Variants in TAF4B observed in about 807,000 individuals in gnomAD.
TAF4B encodes TATA-box binding protein associated factor 4b.
Under a neutral mutation model 86.4 loss-of-function variants are expected in TAF4B, and 38 were observed. The ratio of observed to expected loss-of-function variants is 0.44; its 90% CI spans 0.34 to 0.58. TAF4B has a LOEUF of 0.58. Among genes scored for constraint, TAF4B ranks in the 20% least tolerant of loss-of-function variants. TAF4B has a pLI of 0.02. For synonymous variants in TAF4B, 388 were observed against 391.2 expected, an observed-to-expected ratio of 0.99 and a Z score of 0.10; for missense variants, 988 against 1,027.6, an observed-to-expected ratio of 0.96 and a Z score of 0.53.
chr18:26,265,379 T>TACACAAC, intron 2 of TAF4B, 64 bp downstream of exon 2: 1 of 1,479,802 alleles, frequency 6.8e-7, no homozygotes, highest in African/African-American at 1.4e-5. Context: ...ATATAAATGT[T>TACACAAC]GTGTATATGT....
At chr18:26,239,084 T>G (rs1324230983) in intron 1 of TAF4B, among the ~76,000 whole-genome samples, 1 of 152,256 alleles carries the variant, frequency 6.6e-6, no homozygotes, top group Non-Finnish European at 1.5e-5. Context: ...GCATGATTTA[T>G]AGTCCTTTGG....
At chr18:26,363,370 C>CAA (rs58802058) in intron 14 of TAF4B, among the ~76,000 whole-genome samples, 5 of 35,072 alleles carry the variant, frequency 1.4e-4, no homozygotes, top group Non-Finnish European at 2.3e-4. Flanking sequence ...CTGTCTCTAC[C>CAA]AAAAAAAAAA....
intron 13 of TAF4B, among the ~76,000 whole-genome samples, chr18:26,339,480 CA>C (rs1209096518): frequency 6.6e-6 from 1 of 152,102 alleles, no homozygotes; most frequent in Non-Finnish European, 1.5e-5. Context: ...CACATGCCAC[CA>C]TACCTGGCTA....
chr18:26,338,842 C>T (rs1249410267), intron 13 of TAF4B, among the ~76,000 whole-genome samples: 1 of 152,148 alleles, frequency 6.6e-6, no homozygotes. Context: ...TTGCATTCCA[C>T]ATGTAAGGAC....
intron 13 of TAF4B, chr18:26,349,068 C>G (rs1392691383): frequency 3.9e-5 from 6 of 151,980 alleles, no homozygotes; most frequent in South Asian, 2.1e-4. Flanking sequence ...ACCCAAGGAT[C>G]AAAACTGTTT....
rs1459980654 is a variant in TAF4B, at chr18:26,251,486, G to A, written c.344-13684G>A. On this transcript the variant is annotated intron_variant, in intron 1 of 14. Transcript: ENST00000269142. Reference sequence around the variant, plus strand: ...TGGCATTTTTGGATGTTGGGATGTAGCAGTTCACTGGGCTGAAGGGTAGAA... The same window carrying A: ...TGGCATTTTTGGATGTTGGGATGTAACAGTTCACTGGGCTGAAGGGTAGAA... Among the ~76,000 whole-genome samples, 9 of 152,142 alleles carry A rather than the reference G, an allele frequency of 5.9e-5. No homozygotes were observed. The East Asian group carries it at 1.7e-3, about 29-fold the overall frequency.
chr18:26,277,493 G>C (rs2056397609), intron 5 of TAF4B, among the ~76,000 whole-genome samples: 1 of 152,214 alleles, frequency 6.6e-6, no homozygotes, highest in African/African-American at 2.4e-5. Flanking sequence ...GAGTGGCATT[G>C]CTGTACCAAT....
intron 1 of TAF4B, among the ~76,000 whole-genome samples, chr18:26,252,363 C>G (rs2056019002): frequency 6.6e-6 from 1 of 151,834 alleles, no homozygotes; most frequent in Admixed American, 6.6e-5. Context: ...GATCTTGTAT[C>G]CTGCTACCAT....
At chr18:26,354,184 C>T (rs1290047136) in intron 13 of TAF4B, among the ~76,000 whole-genome samples, 2 of 152,038 alleles carry the variant, frequency 1.3e-5, no homozygotes, top group Non-Finnish European at 2.9e-5. Context: ...AAGCAATTCT[C>T]CTGCCTCAGC....
At chr18:26,247,346 A>T (rs1262866066) in intron 1 of TAF4B, among the ~76,000 whole-genome samples, 1 of 152,232 alleles carries the variant, frequency 6.6e-6, no homozygotes, top group Non-Finnish European at 1.5e-5. Flanking sequence ...TAAGGTACTT[A>T]TGCAGCATTT....
intron 1 of TAF4B, among the ~76,000 whole-genome samples, chr18:26,254,731 A>G (rs1454834739): frequency 6.6e-6 from 1 of 152,220 alleles, no homozygotes; most frequent in African/African-American, 2.4e-5. Context: ...GAGACGTGCC[A>G]TTTCCCTAAG....
chr18:26,356,446 A>G (rs1259709321), intron 13 of TAF4B, among the ~76,000 whole-genome samples: 7 of 152,238 alleles, frequency 4.6e-5, no homozygotes, highest in Non-Finnish European at 1.0e-4. Flanking sequence ...TTAAAGTGGA[A>G]TTTATGTACT....
intron 14 of TAF4B, chr18:26,366,275 A>G (rs943340696): frequency 6.6e-6 from 1 of 152,204 alleles, no homozygotes; most frequent in African/African-American, 2.4e-5. Flanking sequence ...ATGTTTTCCA[A>G]TGCCAACATT....
intron 13 of TAF4B, among the ~76,000 whole-genome samples, chr18:26,342,869 G>A (rs907298047): frequency 5.9e-5 from 9 of 152,192 alleles, no homozygotes; most frequent in African/African-American, 2.2e-4. Context: ...TTTGTTGCTG[G>A]TGTTGGTGAG....
Position 26,389,975 on chromosome 18 carries a change from A to G in TAF4B, c.2552A>G (p.Lys851Arg). The part of the protein sequence containing the change: ...IFCMEQEREM[K>R]YSRALYLALL... ...TGTATGGAACAGGAACGGGAGATGA[A>G]GTATTCTCGAGCTCTATACCTGGCC... The change falls in exon 15 of 15, where the codon AAG becomes AGG. Residue 851 changes from lysine (K) to arginine (R), a missense_variant. Transcript: ENST00000269142. 1.9e-6 allele frequency: 3 copies of G among 1,614,150 alleles called. No individual in the cohort carries two copies. The highest frequency in any genetic ancestry group is 2.2e-5 in the East Asian group (1 of 44,886).
rs571974863 is a variant in TAF4B, at chr18:26,229,804, A to T, written c.343+2528A>T. Among the ~76,000 whole-genome samples, 48 of 152,282 alleles carry T rather than the reference A, an allele frequency of 3.2e-4. No homozygotes were observed. In the South Asian group the frequency reaches 9.9e-3, roughly 32 times the overall value. On this transcript the variant is annotated intron_variant, in intron 1 of 14. Coordinates refer to ENST00000269142, the MANE Select transcript of TAF4B (RefSeq NM_005640.3). ...AGGCGTTAGCCACTGCGCTGGCCTG[A>T]ATCTTGTACTATTTCCTTTGCATAC...
intron 1 of TAF4B, among the ~76,000 whole-genome samples, chr18:26,232,949 C>T (rs1264852063): frequency 1.3e-5 from 2 of 152,104 alleles, no homozygotes; most frequent in Admixed American, 6.5e-5. Flanking sequence ...TATGGCCCTG[C>T]GCTGATGGAC....
chr18:26,273,340 A>G (rs1476201644), intron 3 of TAF4B, among the ~76,000 whole-genome samples: 1 of 152,160 alleles, frequency 6.6e-6, no homozygotes, highest in Non-Finnish European at 1.5e-5. Context: ...AGCATATGGT[A>G]TTTAATATTT....
At chr18:26,334,753 A>G (rs1354051182) in intron 12 of TAF4B, among the ~76,000 whole-genome samples, 2 of 152,230 alleles carry the variant, frequency 1.3e-5, no homozygotes, top group Non-Finnish European at 2.9e-5. Flanking sequence ...CTTGATTTTA[A>G]TAGTCCTCGA....
Sources: gnomAD v4.1 joint callset for allele counts (sites outside exome capture counted in the v4.1 genomes callset) on GRCh38, gnomAD v4.1.1 for gene constraint, MANE v1.5 for transcripts, NCBI Gene and HGNC (gene_info 2026-07-23, HGNC 2026-07-21) for gene names.